The following NFAT5 variants were observed in gnomAD, a reference collection of about 807,000 sequenced individuals.
NFAT5 encodes nuclear factor of activated T cells 5, also known as nuclear factor of activated T-cells 5.
In NFAT5, 31 loss-of-function variants were observed where a neutral mutation model predicts 166.5. The ratio of observed to expected loss-of-function variants is 0.19; its 90% CI spans 0.14 to 0.25. NFAT5 has a LOEUF of 0.25. NFAT5 is among the 10% of genes least tolerant of loss of function. The pLI is 1.00. For missense variants in NFAT5, 1,449 were observed against 1,821.8 expected, an observed-to-expected ratio of 0.80 and a Z score of 3.72; for synonymous variants, 612 against 639.7, an observed-to-expected ratio of 0.96 and a Z score of 0.65.
chr16:69,600,715 A>G (rs1276171561), intron 2 of NFAT5, among the ~76,000 whole-genome samples: 1 of 150,922 alleles, frequency 6.6e-6, no homozygotes, highest in Non-Finnish European at 1.5e-5. Flanking sequence ...GCCTTAAGAG[A>G]ATCATCATGA....
chr16:69,673,493 C>T (rs2036706012), intron 9 of NFAT5, among the ~76,000 whole-genome samples: 1 of 151,986 alleles, frequency 6.6e-6, no homozygotes, highest in Non-Finnish European at 1.5e-5. Flanking sequence ...GAGGTAGAGG[C>T]AGGAGGATTG....
chr16:69,685,276 G>A (rs1365157437), intron 11 of NFAT5: 1 of 150,436 alleles, frequency 6.6e-6, no homozygotes, highest in Non-Finnish European at 1.5e-5. Flanking sequence ...GCTGGGCACA[G>A]TGGTTCATGC....
At chr16:69,580,805 G>A (rs557274329) in intron 2 of NFAT5, among the ~76,000 whole-genome samples, 3 of 151,874 alleles carry the variant, frequency 2.0e-5, no homozygotes, top group East Asian at 2.0e-4. Flanking sequence ...ACAGGTGCCC[G>A]CCACCACGCC....
rs776419954 is a variant in NFAT5, at chr16:69,691,966, G to C, written c.2141G>C (p.Ser714Thr). Residue 714 changes from serine (S) to threonine (T), a missense_variant, in exon 13 of 15, where the codon AGT becomes ACT. This residue lies in a region of NFAT5 where 891 missense variants were observed against 993.0 expected (regional missense o/e 0.90). Coordinates refer to ENST00000349945, the MANE Select transcript of NFAT5 (RefSeq NM_138713.4). ...ACTTTTCCAGCAGTTTCTGCTTCTA[G>C]TCAGCTGCCCAACAGCGATGCACTA... ...PGTFPAVSAS[S>T]QLPNSDALLQ... The C allele has an allele frequency of 6.2e-7, 1 of 1,614,166 alleles. No homozygotes were observed. The highest frequency in any genetic ancestry group is 1.7e-5 in the Admixed American group (1 of 60,020).
chr16:69,598,987 C>T (rs2032971676), intron 2 of NFAT5, among the ~76,000 whole-genome samples: 1 of 142,658 alleles, frequency 7.0e-6, no homozygotes, highest in African/African-American at 2.6e-5. Flanking sequence ...GTACTCCAGT[C>T]TGGGCTCTGG....
chr16:69,628,387 AAG>A (rs1467218062), intron 3 of NFAT5, among the ~76,000 whole-genome samples: 4 of 152,088 alleles, frequency 2.6e-5, no homozygotes, highest in African/African-American at 7.2e-5. Context: ...AAAGATGGCA[AAG>A]AGAGTAAGAA....
At chr16:69,660,944 G>GA (rs995675366) in intron 7 of NFAT5, among the ~76,000 whole-genome samples, 1 of 151,924 alleles carries the variant, frequency 6.6e-6, no homozygotes, top group African/African-American at 2.4e-5. Context: ...GAGTAGCTGG[G>GA]ATTACAGGTG....
At chr16:69,617,525 C>G (rs1331972103) in intron 2 of NFAT5, among the ~76,000 whole-genome samples, 3 of 150,550 alleles carry the variant, frequency 2.0e-5, no homozygotes, top group Non-Finnish European at 4.4e-5. Flanking sequence ...GGGCCTTGCT[C>G]TGTCACCCAG....
chr16:69,664,664 G>T (rs999393678), intron 7 of NFAT5, among the ~76,000 whole-genome samples: 1 of 152,096 alleles, frequency 6.6e-6, no homozygotes, highest in African/African-American at 2.4e-5. Context: ...GTGATTTTTT[G>T]TGTGTTCTAA....
intron 2 of NFAT5, among the ~76,000 whole-genome samples, chr16:69,586,243 C>G (rs566172316): frequency 6.6e-6 from 1 of 152,148 alleles, no homozygotes; most frequent in East Asian, 1.9e-4. Context: ...ATGTGGGACC[C>G]AAAATCTTTA....
intron 2 of NFAT5, among the ~76,000 whole-genome samples, chr16:69,586,563 T>C (rs777661073): frequency 2.6e-5 from 4 of 152,058 alleles, no homozygotes; most frequent in African/African-American, 7.2e-5. Flanking sequence ...CCACCATGCC[T>C]GGCTAATTTT....
chr16:69,630,329 G>T (rs564873211), intron 3 of NFAT5, among the ~76,000 whole-genome samples: 5 of 152,062 alleles, frequency 3.3e-5, no homozygotes, highest in African/African-American at 1.2e-4. Context: ...ACTATGCTCG[G>T]CCCTGGATTG....
intron 3 of NFAT5, among the ~76,000 whole-genome samples, chr16:69,638,563 A>G (rs2035067169): frequency 6.6e-6 from 1 of 151,976 alleles, no homozygotes; most frequent in Admixed American, 6.6e-5. Flanking sequence ...GTGAAACCCC[A>G]TCTCTACTAA....
At chr16:69,613,106 G>A (rs1191846196) in intron 2 of NFAT5, among the ~76,000 whole-genome samples, 4 of 152,090 alleles carry the variant, frequency 2.6e-5, no homozygotes, top group Non-Finnish European at 4.4e-5. Context: ...TCCCAAGCCA[G>A]AGTTCTATGT....
intron 2 of NFAT5, among the ~76,000 whole-genome samples, chr16:69,605,398 C>T (rs2033352063): frequency 6.6e-6 from 1 of 152,128 alleles, no homozygotes; most frequent in African/African-American, 2.4e-5. Context: ...CAAGATTGTA[C>T]CACTGCACCC....
At chr16:69,646,883 C>G (rs1226398915) in intron 3 of NFAT5, 145 bp from the exon 4 acceptor site, 2 of 677,226 alleles carry the variant, frequency 3.0e-6, no homozygotes, top group East Asian at 5.3e-5. Flanking sequence ...TTGCTTGAAG[C>G]ATTTATATTC....
intron 2 of NFAT5, among the ~76,000 whole-genome samples, chr16:69,612,027 C>G (rs1293848580): frequency 2.6e-5 from 4 of 152,186 alleles, no homozygotes; most frequent in Non-Finnish European, 5.9e-5. Context: ...CATTTTATAG[C>G]AGGTACAATG....
rs575920893 is a variant in NFAT5, at chr16:69,659,676, A to T, written c.1197-51A>T. 1.4e-5 allele frequency: 20 copies of T among 1,419,030 alleles called. 1 individual carries two copies. The South Asian group carries it at 2.6e-4, about 19-fold the overall frequency. 87.9% of individuals were successfully genotyped at this position (1,419,030 alleles called of 1,614,324 possible). ...AACAAACTTGTTGATTAAGAACATTATACTATTTATACAACAAAATGTCCC... is the reference window on the plus strand; with the variant it reads ...AACAAACTTGTTGATTAAGAACATTTTACTATTTATACAACAAAATGTCCC... On this transcript the variant is annotated intron_variant, in intron 6 of 14. Coordinates refer to ENST00000349945, the MANE Select transcript of NFAT5 (RefSeq NM_138713.4).
chr16:69,574,569 G>T (rs769429123), intron 2 of NFAT5, among the ~76,000 whole-genome samples: 1 of 151,904 alleles, frequency 6.6e-6, no homozygotes, highest in Non-Finnish European at 1.5e-5. Context: ...TGTAATAAAG[G>T]ATATATATAT....
Sources: gnomAD v4.1 joint callset for allele counts (sites outside exome capture counted in the v4.1 genomes callset) on GRCh38, gnomAD v4.1.1 for gene constraint, gnomAD v4.1.1 regional missense constraint, MANE v1.5 for transcripts, NCBI Gene and HGNC (gene_info 2026-07-23, HGNC 2026-07-21) for gene names.